The following RSRC1 variants were observed in gnomAD, a reference collection of about 807,000 sequenced individuals.
The protein encoded by RSRC1 is serine/Arginine-related protein 53.
Under a neutral mutation model 49.1 loss-of-function variants are expected in RSRC1, and 39 were observed. The observed-to-expected ratio is 0.79, with a 90% CI of 0.61 to 1.04. The LOEUF (loss-of-function observed/expected upper bound fraction) is 1.04. RSRC1 is among the 50% of genes least tolerant of loss of function. The pLI, the probability that RSRC1 is intolerant of heterozygous loss-of-function variation, is 0.00. For synonymous variants in RSRC1, 143 were observed against 130.8 expected, an observed-to-expected ratio of 1.09 and a Z score of -0.63; for missense variants, 388 against 402.4, an observed-to-expected ratio of 0.96 and a Z score of 0.31.
intron 6 of RSRC1, among the ~76,000 whole-genome samples, chr3:158,405,585 TG>T: frequency 6.6e-6 from 1 of 152,174 alleles, no homozygotes; most frequent in Non-Finnish European, 1.5e-5. Context: ...ATGAGGGAAC[TG>T]GTGTCATGGG....
intron 3 of RSRC1, among the ~76,000 whole-genome samples, chr3:158,178,464 A>G (rs924782091): frequency 4.6e-5 from 7 of 151,960 alleles, no homozygotes; most frequent in Admixed American, 2.0e-4. Context: ...TTAGTCTCCT[A>G]TTTTTCCTGA....
intron 7 of RSRC1, among the ~76,000 whole-genome samples, chr3:158,521,745 T>G (rs1432906911): frequency 6.6e-6 from 1 of 152,108 alleles, no homozygotes; most frequent in Non-Finnish European, 1.5e-5. Context: ...GAAAAAACAC[T>G]TAGTAAAAAC....
intron 7 of RSRC1, among the ~76,000 whole-genome samples, chr3:158,528,150 A>ATT (rs1161588916): frequency 6.6e-6 from 1 of 151,962 alleles, no homozygotes; most frequent in Non-Finnish European, 1.5e-5. Flanking sequence ...GAACCTAGTA[A>ATT]TTGCCTTTAA....
At chr3:158,517,278 G>A (rs1317076322) in intron 7 of RSRC1, among the ~76,000 whole-genome samples, 1 of 151,978 alleles carries the variant, frequency 6.6e-6, no homozygotes, top group African/African-American at 2.4e-5. Flanking sequence ...AAATACTTTT[G>A]GGTTTTCTAT....
chr3:158,264,652 A>G (rs527721969), intron 4 of RSRC1, among the ~76,000 whole-genome samples: 2 of 152,352 alleles, frequency 1.3e-5, no homozygotes, highest in East Asian at 1.9e-4. Context: ...TTTCAATCCT[A>G]TGAACATTCT....
chr3:158,530,919 AAAAAAG>A (rs1378980884), intron 7 of RSRC1, among the ~76,000 whole-genome samples: 1 of 143,194 alleles, frequency 7.0e-6, no homozygotes, highest in Non-Finnish European at 1.5e-5. Flanking sequence ...TAAATAAAAA[AAAAAAG>A]AAACTTAAAA....
intron 3 of RSRC1, among the ~76,000 whole-genome samples, chr3:158,148,206 A>G (rs1717277150): frequency 6.6e-6 from 1 of 152,124 alleles, no homozygotes; most frequent in African/African-American, 2.4e-5. Context: ...TCCCCTTTGT[A>G]GCTCTTCTTG....
intron 7 of RSRC1, among the ~76,000 whole-genome samples, chr3:158,464,082 G>T (rs1444273216): frequency 2.0e-5 from 3 of 151,800 alleles, no homozygotes; most frequent in Admixed American, 2.0e-4. Context: ...TTCAGTTCTG[G>T]TTTCTTTCTT....
chr3:158,476,207 A>C (rs888297618), intron 7 of RSRC1, among the ~76,000 whole-genome samples: 3 of 152,156 alleles, frequency 2.0e-5, no homozygotes, highest in Non-Finnish European at 2.9e-5. Context: ...AAAAATTTGA[A>C]GCTAGCAGAG....
At chr3:158,227,630 T>C (rs569028489) in intron 4 of RSRC1, among the ~76,000 whole-genome samples, 2 of 152,126 alleles carry the variant, frequency 1.3e-5, no homozygotes, top group South Asian at 2.1e-4. Context: ...AAACCACTAG[T>C]CTAGAAGAAT....
intron 5 of RSRC1, among the ~76,000 whole-genome samples, chr3:158,345,701 C>T (rs555288877): frequency 6.6e-6 from 1 of 151,636 alleles, no homozygotes; most frequent in South Asian, 2.1e-4. Flanking sequence ...GGGGTGCTGG[C>T]ATCACTATTG....
chr3:158,170,493 C>G (rs1254275284), intron 3 of RSRC1, among the ~76,000 whole-genome samples: 1 of 152,180 alleles, frequency 6.6e-6, no homozygotes, highest in Non-Finnish European at 1.5e-5. Context: ...CCACTAATTA[C>G]AACTAAAAAT....
intron 5 of RSRC1, among the ~76,000 whole-genome samples, chr3:158,337,007 T>C (rs1057481943): frequency 6.6e-6 from 1 of 152,206 alleles, no homozygotes; most frequent in Admixed American, 6.5e-5. Context: ...TTCCCGTCTG[T>C]GCCTGAGTTA....
chr3:158,121,703 A>G lies in RSRC1; in HGVS notation c.-2-400A>G, dbSNP rs116054607. Reference sequence around the variant, plus strand: ...AATAGTTGGTTGATTACTAAAGAAAATGTCATATAATTAATGAGAAATATA... The same window carrying G: ...AATAGTTGGTTGATTACTAAAGAAAGTGTCATATAATTAATGAGAAATATA... On this transcript the variant is annotated intron_variant, in intron 1 of 9. Transcript: ENST00000611884. Among the ~76,000 whole-genome samples, 839 of 152,354 alleles carry G rather than the reference A, an allele frequency of 5.5e-3. 8 individuals are homozygous for G. Among genetic ancestry groups the G allele is most frequent in the African/African-American group, 0.019 (802 of 41,584 alleles).
intron 5 of RSRC1, among the ~76,000 whole-genome samples, chr3:158,324,224 T>C (rs537346768): frequency 2.1e-5 from 2 of 93,664 alleles, no homozygotes; most frequent in South Asian, 4.3e-4. Flanking sequence ...ATGGTGAGCA[T>C]CATTGTGCAA....
intron 7 of RSRC1, among the ~76,000 whole-genome samples, chr3:158,461,220 G>T (rs1477603058): frequency 2.6e-5 from 4 of 151,830 alleles, no homozygotes; most frequent in Admixed American, 2.6e-4. Context: ...CTGGGAAATT[G>T]GGAGGAGATA....
At chr3:158,512,936 G>C (rs1248281530) in intron 7 of RSRC1, among the ~76,000 whole-genome samples, 13 of 141,862 alleles carry the variant, frequency 9.2e-5, no homozygotes, top group African/African-American at 3.4e-4. Flanking sequence ...TGGTGTATAA[G>C]AATGCTTGTG....
intron 3 of RSRC1, among the ~76,000 whole-genome samples, chr3:158,185,896 A>G (rs1454048043): frequency 6.6e-5 from 10 of 152,034 alleles, no homozygotes; most frequent in African/African-American, 2.2e-4. Context: ...TTCCTTTAGA[A>G]CAATGAAAAT....
intron 7 of RSRC1, among the ~76,000 whole-genome samples, chr3:158,531,653 A>G (rs1353629765): frequency 1.3e-5 from 2 of 151,658 alleles, no homozygotes; most frequent in African/African-American, 4.8e-5. Flanking sequence ...CATCTTTTAA[A>G]TTATTTGTGT....
Sources: allele counts gnomAD v4.1 joint callset (sites outside exome capture counted in the v4.1 genomes callset), GRCh38; gene constraint gnomAD v4.1.1; transcripts MANE v1.5; gene names NCBI Gene and HGNC (gene_info 2026-07-23, HGNC 2026-07-21).